Variants in PAPOLA observed in about 807,000 individuals in gnomAD.
PAPOLA encodes the protein polynucleotide adenylyltransferase alpha.
Under a neutral mutation model 100.6 loss-of-function variants are expected in PAPOLA, and 15 were observed. The ratio of observed to expected loss-of-function variants is 0.15; its 90% CI spans 0.10 to 0.23. The LOEUF (loss-of-function observed/expected upper bound fraction) is 0.23, where lower values mean the gene tolerates loss of function less well. Ranked by LOEUF, PAPOLA falls within the 10% of genes least tolerant of loss-of-function variation. The pLI is 1.00. For synonymous variants in PAPOLA, 293 were observed against 300.0 expected, an observed-to-expected ratio of 0.98 and a Z score of 0.24; for missense variants, 533 against 884.2, an observed-to-expected ratio of 0.60 and a Z score of 5.04.
chr14:96,549,812 G>T (rs1329814749), intron 16 of PAPOLA, among the ~76,000 whole-genome samples: 1 of 152,064 alleles, frequency 6.6e-6, no homozygotes, highest in Non-Finnish European at 1.5e-5. Context: ...TTATTAATAG[G>T]TTAAATCAAT....
chr14:96,562,426 GT>G lies in PAPOLA; in HGVS notation c.2068-376del, dbSNP rs538584053. Reference sequence around the variant, plus strand: ...TATTTTATTTAGTAGTATTGAATAAGTTTTTTTTTTTTTTTTTCCTCCCACA... The same window carrying G: ...TATTTTATTTAGTAGTATTGAATAAGTTTTTTTTTTTTTTTTCCTCCCACA... On this transcript the variant is annotated intron_variant, in intron 20 of 21. Coordinates refer to ENST00000216277, the MANE Select transcript of PAPOLA (RefSeq NM_032632.5). 1,093 of 136,430 alleles carry G rather than the reference GT, an allele frequency of 8.0e-3. 14 individuals are homozygous for G. Among genetic ancestry groups the G allele is most frequent in the African/African-American group, 0.025 (936 of 36,832 alleles). The allele number at this position is 136,430 out of a possible 1,614,324, so 8.5% of individuals were successfully genotyped here. A position where few individuals can be genotyped will look rare whatever the true frequency, so the allele number is the denominator to read the frequency against.
At chr14:96,541,260 C>T (rs1304110103) in intron 12 of PAPOLA, among the ~76,000 whole-genome samples, 1 of 152,072 alleles carries the variant, frequency 6.6e-6, no homozygotes, top group African/African-American at 2.4e-5. Flanking sequence ...CAGATTTTTG[C>T]TCTTGGTTAG....
At chr14:96,557,564 A>G (rs1284580713) in intron 19 of PAPOLA, among the ~76,000 whole-genome samples, 1 of 139,222 alleles carries the variant, frequency 7.2e-6, no homozygotes, top group Non-Finnish European at 1.5e-5. Flanking sequence ...CACCAATTTC[A>G]TTGTGTTTTT....
intron 19 of PAPOLA, 34 bp from the exon 20 acceptor site, chr14:96,560,615 T>G (rs1901758622): frequency 6.9e-7 from 1 of 1,458,894 alleles, no homozygotes; most frequent in Non-Finnish European, 9.5e-7. Flanking sequence ...AAATTTTTCA[T>G]TTTAGAGAAT....
intron 6 of PAPOLA, among the ~76,000 whole-genome samples, 192 bp from the exon 7 acceptor site, chr14:96,531,283 G>A (rs10131845): frequency 3.0e-4 from 45 of 151,654 alleles, no homozygotes; most frequent in African/African-American, 1.1e-3. Flanking sequence ...TTACAGGTGC[G>A]AGCCACTGTG....
rs1389899946 is a variant in PAPOLA at position 96,522,102 on chromosome 14, CTCTTTCTT to C, written c.249+1040_249+1047del. ...ATAGGCATGAGCCACTGCATCTAGC[CTCTTTCTT>C]TCTTTCTTTTTTTTTTTTTTTTTTT... On this transcript the variant is annotated intron_variant, in intron 3 of 21. Coordinates refer to ENST00000216277, the MANE Select transcript of PAPOLA (RefSeq NM_032632.5). Among the ~76,000 whole-genome samples, 218 of 128,292 alleles carry C rather than the reference CTCTTTCTT, an allele frequency of 1.7e-3. 7 individuals carry two copies. Among genetic ancestry groups the C allele is most frequent in the South Asian group, 0.011 (37 of 3,502 alleles). The allele number at this position is 128,292 out of a possible 152,430, so 84.2% of individuals were successfully genotyped here. A position where few individuals can be genotyped will look rare whatever the true frequency, so the allele number is the denominator to read the frequency against.
intron 3 of PAPOLA, among the ~76,000 whole-genome samples, chr14:96,522,262 CA>C (rs1282774668): frequency 6.6e-6 from 1 of 151,402 alleles, no homozygotes; most frequent in East Asian, 1.9e-4. Flanking sequence ...GCTGGGATTA[CA>C]GGTGTGTGCC....
rs78652901 is a variant in PAPOLA, at chr14:96,508,235, G to A, written c.8+5635G>A. 8.0e-3 allele frequency among the ~76,000 whole-genome samples: 1,218 copies of A among 152,176 alleles called. 21 individuals carry two copies. Among genetic ancestry groups the A allele is most frequent in the African/African-American group, 0.027 (1,126 of 41,512 alleles). ...CACTGCACCTCAGCCCACCCCAACC[G>A]TCTGTGATTTAAATAAAATTTTTTT... On this transcript the variant is annotated intron_variant, in intron 1 of 21. Transcript: ENST00000216277.
chr14:96,560,952 C>T (rs946994302), intron 20 of PAPOLA, among the ~76,000 whole-genome samples: 2 of 152,070 alleles, frequency 1.3e-5, no homozygotes, highest in East Asian at 3.9e-4. Flanking sequence ...TAATTAATTA[C>T]ATTATCAAAG....
intron 1 of PAPOLA, among the ~76,000 whole-genome samples, chr14:96,507,405 A>C (rs1896806021): frequency 6.9e-6 from 1 of 144,972 alleles, no homozygotes; most frequent in Non-Finnish European, 1.5e-5. Context: ...CTCCTGCCTC[A>C]GCCTCCCGAG....
chr14:96,518,694 G>A (rs898045823), intron 1 of PAPOLA, among the ~76,000 whole-genome samples: 1 of 151,974 alleles, frequency 6.6e-6, no homozygotes, highest in Non-Finnish European at 1.5e-5. Flanking sequence ...ACCGCGCCTG[G>A]CCTTTATTGC....
chr14:96,557,274 C>G (rs892054598), intron 19 of PAPOLA, among the ~76,000 whole-genome samples: 4 of 152,232 alleles, frequency 2.6e-5, no homozygotes, highest in African/African-American at 9.6e-5. Flanking sequence ...TTGTCTCCAG[C>G]TCCTGGGCTC....
chr14:96,511,398 T>TA (rs920353247), intron 1 of PAPOLA, among the ~76,000 whole-genome samples: 5 of 152,002 alleles, frequency 3.3e-5, no homozygotes, highest in African/African-American at 4.8e-5. Context: ...CTGACTCTAT[T>TA]AAAAAAAATT....
chr14:96,556,232 C>G lies in PAPOLA; in HGVS notation c.1823C>G (p.Pro608Arg), dbSNP rs773489184. 1 of 1,614,050 alleles carries G rather than the reference C, an allele frequency of 6.2e-7. No individual in the cohort carries two copies. Among genetic ancestry groups the G allele is most frequent in the Admixed American group, 1.7e-5 (1 of 60,010 alleles). ...ACACAACCAGCCATTTCTCCACCAC[C>G]AAAGCCTACGGTCTCCAGAGTTGTT... ...TATQPAISPP[P>R]KPTVSRVVSS... The change falls in exon 19 of 22, where the codon CCA (proline) becomes CGA (arginine). Residue 608 changes from proline (P) to arginine (R), a missense_variant. Transcript: ENST00000216277.
intron 1 of PAPOLA, among the ~76,000 whole-genome samples, chr14:96,515,217 A>G (rs1023005746): frequency 6.6e-6 from 1 of 152,214 alleles, no homozygotes; most frequent in African/African-American, 2.4e-5. Flanking sequence ...AAATAATTTA[A>G]ATATTATAAA....
rs575269320 is a variant in PAPOLA, at chr14:96,534,824, G to A, written c.909+261G>A. 1,811 of 1,178,434 alleles carry A rather than the reference G, an allele frequency of 1.5e-3. 5 individuals are homozygous for A. Among genetic ancestry groups the A allele is most frequent in the South Asian group, 3.8e-3 (106 of 27,680 alleles). The allele number at this position is 1,178,434 out of a possible 1,614,324, so 73.0% of individuals were successfully genotyped here. A position where few individuals can be genotyped will look rare whatever the true frequency, so the allele number is the denominator to read the frequency against. ...CTAACATTTTAATTTATTCTATATA[G>A]AACTACCTTGTAAGTCAAAGTTGTG... is the stretch of plus-strand genomic sequence containing the variant. On this transcript the variant is annotated intron_variant, in intron 10 of 21. Transcript: ENST00000216277.
chr14:96,551,127 A>G (rs1004702031), intron 16 of PAPOLA, among the ~76,000 whole-genome samples: 1 of 152,164 alleles, frequency 6.6e-6, no homozygotes, highest in Admixed American at 6.5e-5. Flanking sequence ...CTTGCTACCA[A>G]ACTTGATCTG....
chr14:96,521,971 T>C (rs1898005713), intron 3 of PAPOLA, among the ~76,000 whole-genome samples: 1 of 151,702 alleles, frequency 6.6e-6, no homozygotes, highest in African/African-American at 2.4e-5. Context: ...CCAACTATTG[T>C]TTTTATTTTT....
In PAPOLA at chr14:96,565,844, GCTT is replaced by G. The variant is rs80077155; in HGVS notation, c.*798_*800del. 0.075 allele frequency: 29,991 copies of G among 398,326 alleles called. 1,489 individuals are homozygous for G. Among genetic ancestry groups the G allele is most frequent in the Non-Finnish European group, 0.1 (22,942 of 225,736 alleles). 24.7% of individuals were successfully genotyped at this position (398,326 alleles called of 1,614,324 possible). A position where few individuals can be genotyped will look rare whatever the true frequency, so the allele number is the denominator to read the frequency against. ...TCTTCAAAACAAACAAACAAAAAAA[GCTT>G]CTTGCGCCTTTCCCTCCCCTGTTTT... On this transcript the variant is annotated 3_prime_UTR_variant, in exon 22 of 22. Coordinates refer to ENST00000216277, the MANE Select transcript of PAPOLA (RefSeq NM_032632.5).
Sources: allele counts gnomAD v4.1 joint callset (sites outside exome capture counted in the v4.1 genomes callset), GRCh38; gene constraint gnomAD v4.1.1; transcripts MANE v1.5; gene names NCBI Gene and HGNC (gene_info 2026-07-23, HGNC 2026-07-21).